Variants in HERC4 observed in about 807,000 individuals in gnomAD.
The protein encoded by HERC4 is probable E3 ubiquitin-protein ligase HERC4.
In HERC4, 28 loss-of-function variants were observed where a neutral mutation model predicts 124.3. The ratio of observed to expected loss-of-function variants is 0.23; its 90% CI spans 0.17 to 0.31. The LOEUF (loss-of-function observed/expected upper bound fraction) is 0.31. Ranked by LOEUF, HERC4 falls within the 10% of genes least tolerant of loss-of-function variation. HERC4 has a pLI of 1.00. For synonymous variants in HERC4, 407 were observed against 421.5 expected, an observed-to-expected ratio of 0.97 and a Z score of 0.42; for missense variants, 713 against 1,229.3, an observed-to-expected ratio of 0.58 and a Z score of 6.28.
intron 9 of HERC4, among the ~76,000 whole-genome samples, chr10:68,005,700 T>C (rs1239509220): frequency 1.3e-5 from 2 of 151,908 alleles, no homozygotes; most frequent in East Asian, 3.8e-4. Flanking sequence ...TCTGTGCATC[T>C]ATTAATTTTG....
intron 9 of HERC4, among the ~76,000 whole-genome samples, chr10:68,011,084 AC>A (rs1359693785): frequency 6.6e-6 from 1 of 152,222 alleles, no homozygotes; most frequent in Non-Finnish European, 1.5e-5. Context: ...TGAATCAAAG[AC>A]AGGGTCTTGC....
At chr10:67,982,857 G>A (rs2036014686) in intron 15 of HERC4, among the ~76,000 whole-genome samples, 2 of 152,168 alleles carry the variant, frequency 1.3e-5, no homozygotes, top group South Asian at 4.1e-4. Context: ...GCAGGGTGCG[G>A]TGGCTCATGC....
At chr10:68,020,444 C>A (rs2038541946) in intron 8 of HERC4, among the ~76,000 whole-genome samples, 1 of 151,588 alleles carries the variant, frequency 6.6e-6, no homozygotes, top group Non-Finnish European at 1.5e-5. Flanking sequence ...ATGAACAAAA[C>A]GGAAATATCA....
intron 17 of HERC4, chr10:67,956,130 AG>A (rs1376234855): frequency 6.6e-6 from 1 of 152,220 alleles, no homozygotes; most frequent in African/African-American, 2.4e-5. Flanking sequence ...AAATATTTTT[AG>A]ACTATTAAAT....
In HERC4 at chr10:67,990,201, G is replaced by T; in HGVS notation, c.1633+10C>A. 6.3e-7 allele frequency: 1 copy of T among 1,574,836 alleles called. No individual in the cohort carries two copies. Among genetic ancestry groups the T allele is most frequent in the Middle Eastern group, 1.7e-4 (1 of 5,968 alleles). On this transcript the variant is annotated intron_variant, in intron 14 of 24. Coordinates refer to ENST00000373700, the MANE Select transcript of HERC4 (RefSeq NM_015601.4). ...AAAGGTTTCAAAAGAAAAAATATTA[G>T]AATTCTTACCAAGTACTTTCAGTGG...
chr10:67,949,215 C>G (rs999638569), intron 19 of HERC4, among the ~76,000 whole-genome samples: 1 of 151,814 alleles, frequency 6.6e-6, no homozygotes, highest in African/African-American at 2.4e-5. Context: ...ACCCAGGAGG[C>G]GGAGGTTGCA....
chr10:67,935,321 A>AT (rs1488421042), intron 22 of HERC4, among the ~76,000 whole-genome samples: 1 of 151,628 alleles, frequency 6.6e-6, no homozygotes, highest in East Asian at 1.9e-4. Flanking sequence ...AATTTTCTGT[A>AT]TTTTTAGTAG....
intron 3 of HERC4, 101 bp from the exon 4 acceptor site, chr10:68,044,664 C>G (rs1003940329): frequency 1.9e-6 from 2 of 1,034,716 alleles, no homozygotes; most frequent in Admixed American, 4.5e-5. Context: ...AAAACACATT[C>G]TTCATTTTAT....
chr10:67,936,257 A>G, intron 21 of HERC4, 22 bp from the exon 22 acceptor site: 1 of 1,428,344 alleles, frequency 7.0e-7, no homozygotes, highest in Admixed American at 2.0e-5. Flanking sequence ...AATTTTTAAA[A>G]AAAGTCAATG....
intron 3 of HERC4, among the ~76,000 whole-genome samples, chr10:68,053,945 G>C (rs1040530582): frequency 6.6e-6 from 1 of 152,126 alleles, no homozygotes; most frequent in African/African-American, 2.4e-5. Flanking sequence ...GAGGTCAGAA[G>C]GAATATACGT....
rs78639655 is a variant in HERC4 at position 67,999,983 on chromosome 10, A to G, written c.1070-7301T>C. ...CAACCAAAGACTTATCTGAAGTGTT[A>G]TATTTGAGAACAACGGTTACTTAAT... On this transcript the variant is annotated intron_variant, in intron 9 of 24. Coordinates refer to ENST00000373700, the MANE Select transcript of HERC4 (RefSeq NM_015601.4). 0.021 allele frequency among the ~76,000 whole-genome samples: 3,242 copies of G among 152,278 alleles called. 313 individuals are homozygous for G. The East Asian group carries it at 0.31, about 15-fold the overall frequency.
chr10:67,969,645 G>A (rs2035110197), intron 15 of HERC4, among the ~76,000 whole-genome samples: 1 of 152,138 alleles, frequency 6.6e-6, no homozygotes, highest in African/African-American at 2.4e-5. Flanking sequence ...TGTTGCTGAG[G>A]GAGGGAAAAA....
chr10:67,976,131 T>C (rs1325912965), intron 15 of HERC4, among the ~76,000 whole-genome samples: 1 of 152,082 alleles, frequency 6.6e-6, no homozygotes, highest in Non-Finnish European at 1.5e-5. Context: ...CAACAAAAAC[T>C]GTATGGCTCA....
rs766514516 is a variant in HERC4, at chr10:68,049,590, C to CAAAAAAAA, written c.227-5035_227-5028dup. On this transcript the variant is annotated intron_variant, in intron 3 of 24. Coordinates refer to ENST00000373700, the MANE Select transcript of HERC4 (RefSeq NM_015601.4). ...TGGGTGACAGAGTGAGACACTGCCA[C>CAAAAAAAA]AAAAAAAAAAAAAAAAAAAAAAACA... 8.6e-3 allele frequency among the ~76,000 whole-genome samples: 367 copies of CAAAAAAAA among 42,554 alleles called. 79 individuals are homozygous for CAAAAAAAA. Among genetic ancestry groups the CAAAAAAAA allele is most frequent in the African/African-American group, 0.038 (319 of 8,496 alleles). The allele number at this position is 42,554 out of a possible 152,430, so 27.9% of individuals were successfully genotyped here.
At chr10:68,035,218 T>C (rs1201750791) in intron 5 of HERC4, among the ~76,000 whole-genome samples, 1 of 151,128 alleles carries the variant, frequency 6.6e-6, no homozygotes, top group Non-Finnish European at 1.5e-5. Context: ...AGTGGCGCAA[T>C]CTTCACTCAT....
intron 15 of HERC4, among the ~76,000 whole-genome samples, chr10:67,971,455 C>T (rs1442838831): frequency 1.3e-5 from 2 of 151,930 alleles, no homozygotes; most frequent in Non-Finnish European, 2.9e-5. Context: ...AAGTAAAGTT[C>T]ATCTCAAGAA....
intron 16 of HERC4, among the ~76,000 whole-genome samples, chr10:67,963,205 G>A (rs991642160): frequency 6.6e-6 from 1 of 151,956 alleles, no homozygotes; most frequent in African/African-American, 2.4e-5. Context: ...TTGCCAATTT[G>A]TAATGTTATT....
Position 67,925,150 on chromosome 10 carries a change from G to A in HERC4, c.2876C>T (p.Pro959Leu). The change falls in exon 24 of 25, where the codon CCT (proline) becomes CTT (leucine). Residue 959 changes from proline (P) to leucine (L), a missense_variant. Pro to Leu is a moderately conservative substitution (Grantham distance 98). Coordinates refer to ENST00000373700, the MANE Select transcript of HERC4 (RefSeq NM_015601.4). ...TACTTCCCAAAAAATTTTTATCGTAGGATGTTCTGCCCAATATTCCCCTTT... is the reference window on the plus strand; with the variant it reads ...TACTTCCCAAAAAATTTTTATCGTAAGATGTTCTGCCCAATATTCCCCTTT... The part of the protein sequence containing the change: ...EYKGEYWAEH[P>L]TIKIFWEVFH... 6.2e-7 allele frequency: 1 copy of A among 1,605,322 alleles called. No individual in the cohort carries two copies. The highest frequency in any genetic ancestry group is 8.5e-7 in the Non-Finnish European group (1 of 1,172,408).
At position 67,990,966 on chromosome 10, in the gene HERC4, T is replaced by G. The variant is rs751621688; in HGVS notation, c.1381A>C (p.Asn461His). ...TTGTGGAATAAAAGCCTAGCAGCAT[T>G]CATATCAACCCCTGAAAATCTGGTA... is the stretch of plus-strand genomic sequence containing the variant. ...TGTRFSGVDM[N>H]AARLLFHKLI... Residue 461 changes from asparagine to histidine, a missense_variant, in exon 13 of 25, where the codon AAT (asparagine) becomes CAT (histidine). Coordinates refer to ENST00000373700, the MANE Select transcript of HERC4 (RefSeq NM_015601.4). 8 of 1,609,452 alleles carry G rather than the reference T, an allele frequency of 5.0e-6. No homozygotes were observed. Among genetic ancestry groups the G allele is most frequent in the Non-Finnish European group, 6.8e-6 (8 of 1,177,116 alleles).
Sources: allele counts gnomAD v4.1 joint callset (sites outside exome capture counted in the v4.1 genomes callset), GRCh38; gene constraint gnomAD v4.1.1; transcripts MANE v1.5; gene names NCBI Gene and HGNC (gene_info 2026-07-23, HGNC 2026-07-21).